The following ARHGEF10 variants were observed in gnomAD, a reference collection of about 807,000 sequenced individuals.
ARHGEF10 encodes Rho guanine nucleotide exchange factor (GEF) 10.
ARHGEF10 carries 140 observed loss-of-function variants against 147.4 expected under a neutral mutation model. The ratio of observed to expected loss-of-function variants is 0.95; its 90% CI spans 0.83 to 1.09. ARHGEF10 has a LOEUF of 1.09. ARHGEF10 is among the 50% of genes least tolerant of loss of function. The pLI is 0.00. For synonymous variants in ARHGEF10, 902 were observed against 695.8 expected, an observed-to-expected ratio of 1.30 and a Z score of -4.67; for missense variants, 2,222 against 1,752.7, an observed-to-expected ratio of 1.27 and a Z score of -4.78.
chr8:1,849,978 C>G (rs1804932656), intron 2 of ARHGEF10, among the ~76,000 whole-genome samples: 6 of 112,678 alleles, frequency 5.3e-5, no homozygotes, highest in South Asian at 3.4e-4. Flanking sequence ...CGTGGGCCGG[C>G]TGCATGGACA....
At chr8:1,911,591 C>T (rs151025259) in intron 18 of ARHGEF10, among the ~76,000 whole-genome samples, 143 of 152,306 alleles carry the variant, frequency 9.4e-4, no homozygotes, top group African/African-American at 3.3e-3. Context: ...TGAAAGTGGG[C>T]ACCGTGCTTG....
At chr8:1,844,883 G>A (rs11784176) in intron 2 of ARHGEF10, among the ~76,000 whole-genome samples, 91,590 of 151,904 alleles carry the variant, frequency 0.6, 28,355 homozygotes, top group Non-Finnish European at 0.69. Context: ...CCTGGGCAAC[G>A]TAGTGAGACC....
chr8:1,892,798 T>C (rs1322815042), intron 11 of ARHGEF10, among the ~76,000 whole-genome samples: 1 of 152,172 alleles, frequency 6.6e-6, no homozygotes, highest in Non-Finnish European at 1.5e-5. Context: ...TTGCCCTGTT[T>C]TGCTCTGTTT....
chr8:1,833,153 GAC>G (rs1803344682), intron 1 of ARHGEF10, among the ~76,000 whole-genome samples: 1 of 150,980 alleles, frequency 6.6e-6, no homozygotes, highest in South Asian at 2.1e-4. Context: ...CAGAAGCAGA[GAC>G]AGAGGCAGAG....
chr8:1,860,535 C>G (rs1482860472), intron 4 of ARHGEF10, among the ~76,000 whole-genome samples: 1 of 151,950 alleles, frequency 6.6e-6, no homozygotes, highest in Non-Finnish European at 1.5e-5. Context: ...TGCCCCCACC[C>G]AGGTCATTAG....
At chr8:1,955,188 C>CTG (rs1815413654) in intron 28 of ARHGEF10, among the ~76,000 whole-genome samples, 1 of 145,178 alleles carries the variant, frequency 6.9e-6, no homozygotes, top group Non-Finnish European at 1.5e-5. Flanking sequence ...TGCACTCTCA[C>CTG]TGTTTCTCTG....
chr8:1,837,626 T>G (rs73538766), intron 1 of ARHGEF10, among the ~76,000 whole-genome samples: 3,099 of 152,280 alleles, frequency 0.02, 95 homozygotes, highest in African/African-American at 0.072. Flanking sequence ...GTGTTCATTC[T>G]TGAACAGACG....
At position 1,948,545 on chromosome 8, in the gene ARHGEF10, G is replaced by A. The variant is rs1198456002; in HGVS notation, c.3397+2890G>A. ...CTTGTCAGCAGGAGAAAGGTACACG[G>A]GTTAGAGGCAACCTCGGTGACACCA... On this transcript the variant is annotated intron_variant, in intron 27 of 28. Coordinates refer to ENST00000349830, the MANE Select transcript of ARHGEF10 (RefSeq NM_014629.4). The surrounding 1 kb of genome is among the most constrained non-coding windows in gnomAD (Gnocchi z 4.9). Among the ~76,000 whole-genome samples the A allele has an allele frequency of 6.6e-6, 1 of 152,194 alleles. No homozygotes were observed. The highest frequency in any genetic ancestry group is 1.5e-5 in the Non-Finnish European group (1 of 68,032).
At chr8:1,852,928 C>T (rs1805255095) in intron 2 of ARHGEF10, among the ~76,000 whole-genome samples, 1 of 152,180 alleles carries the variant, frequency 6.6e-6, no homozygotes, top group Admixed American at 6.5e-5. Flanking sequence ...AGGGCTGGCC[C>T]CTGAATGCAG....
rs552284972 is a variant in ARHGEF10, at chr8:1,846,013, C to T, written c.37+2577C>T. Among the ~76,000 whole-genome samples, 5 of 152,342 alleles carry T rather than the reference C, an allele frequency of 3.3e-5. No individual in the cohort carries two copies. In the South Asian group the frequency reaches 6.2e-4, roughly 19 times the overall value. On this transcript the variant is annotated intron_variant, in intron 2 of 28. Coordinates refer to ENST00000349830, the MANE Select transcript of ARHGEF10 (RefSeq NM_014629.4). ...CTGGGTGCAGCTGGACTGGCCAGGCCGTCCTTGGGCCAAGGCTACTGGATC... is the reference window on the plus strand; with the variant it reads ...CTGGGTGCAGCTGGACTGGCCAGGCTGTCCTTGGGCCAAGGCTACTGGATC...
At chr8:1,934,355 A>AG (rs1491318956) in intron 26 of ARHGEF10, among the ~76,000 whole-genome samples, 2 of 1,466 alleles carry the variant, frequency 1.4e-3, no homozygotes, top group South Asian at 0.033. Flanking sequence ...CCCTGTCTCC[A>AG]AAAAAAAAAA....
chr8:1,906,662 C>T (rs1386753891), intron 17 of ARHGEF10, among the ~76,000 whole-genome samples: 1 of 152,174 alleles, frequency 6.6e-6, no homozygotes, highest in African/African-American at 2.4e-5. Flanking sequence ...CATCCACCTT[C>T]TCTGAACTCT....
intron 11 of ARHGEF10, among the ~76,000 whole-genome samples, chr8:1,892,577 CA>C: frequency 6.6e-6 from 1 of 151,888 alleles, no homozygotes; most frequent in East Asian, 2.0e-4. Context: ...GCAGTCCCTT[CA>C]AATAGCATAA....
intron 16 of ARHGEF10, chr8:1,904,187 G>A (rs1413850655): frequency 2.6e-5 from 4 of 152,238 alleles, no homozygotes; most frequent in African/African-American, 9.7e-5. Flanking sequence ...GGACCCAGAA[G>A]GCGGCAGTTC....
chr8:1,888,328 T>G lies in ARHGEF10; in HGVS notation c.1182+2621T>G, dbSNP rs1434090895. ...TTGTGAGGATATGCTGAGTGGGATG[T>G]TGACTGTGAGGAGACACTGAGTGGG... On this transcript the variant is annotated intron_variant, in intron 11 of 28. Transcript: ENST00000349830. Among the ~76,000 whole-genome samples the G allele has an allele frequency of 3.0e-4, 15 of 49,416 alleles. 3 individuals carry two copies. The highest frequency in any genetic ancestry group is 1.1e-3 in the African/African-American group (12 of 10,560). The allele number at this position is 49,416 out of a possible 152,430, so 32.4% of individuals were successfully genotyped here.
At chr8:1,853,098 G>C (rs1322161547) in intron 2 of ARHGEF10, among the ~76,000 whole-genome samples, 2 of 145,242 alleles carry the variant, frequency 1.4e-5, no homozygotes, top group African/African-American at 5.3e-5. Context: ...CGGGTGGTTA[G>C]ATTTGGGCTG....
At chr8:1,952,329 G>T (rs528070547) in intron 27 of ARHGEF10, among the ~76,000 whole-genome samples, 1 of 152,228 alleles carries the variant, frequency 6.6e-6, no homozygotes, top group Non-Finnish European at 1.5e-5. Context: ...ACCACAGGCC[G>T]CTGTGTATGT....
Position 1,859,851 on chromosome 8 carries a change from T to C in ARHGEF10, c.194-46T>C, listed in dbSNP as rs751523908. 3.7e-6 allele frequency: 6 copies of C among 1,611,800 alleles called. No homozygotes were observed. In the African/African-American group the frequency reaches 8.0e-5, roughly 22 times the overall value. ...GCGCTCCAGGAGGGCATGCCTGCCA[T>C]GCCCTTGGTGATGTGTCTGCTGACA... On this transcript the variant is annotated intron_variant, in intron 3 of 28. Coordinates refer to ENST00000349830, the MANE Select transcript of ARHGEF10 (RefSeq NM_014629.4).
In ARHGEF10 at chr8:1,954,372, C is replaced by T. The variant is rs59543226; in HGVS notation, c.3520+1545C>T. On this transcript the variant is annotated intron_variant, in intron 28 of 28. Coordinates refer to ENST00000349830, the MANE Select transcript of ARHGEF10 (RefSeq NM_014629.4). ...GCCTCAGATGCTCCAAATTCTGTGT[C>T]GACGTGATGCTGAAAGGCAGTGCTC... Among the ~76,000 whole-genome samples the T allele has an allele frequency of 8.2e-3, 1,252 of 152,066 alleles. 14 individuals carry two copies. Among genetic ancestry groups the T allele is most frequent in the African/African-American group, 0.025 (1,053 of 41,464 alleles).
Sources: gnomAD v4.1 joint callset for allele counts (sites outside exome capture counted in the v4.1 genomes callset) on GRCh38, gnomAD v4.1.1 for gene constraint, Gnocchi (gnomAD v3.1) non-coding constraint, MANE v1.5 for transcripts, NCBI Gene and HGNC (gene_info 2026-07-23, HGNC 2026-07-21) for gene names.